The following GALNT10 variants were observed in gnomAD, a reference collection of about 807,000 sequenced individuals.
The protein encoded by GALNT10 is polypeptide N-acetylgalactosaminyltransferase 10, also known as GalNAc transferase 10.
GALNT10 carries 41 observed loss-of-function variants against 75.0 expected under a neutral mutation model. The ratio of observed to expected loss-of-function variants is 0.55; its 90% confidence interval spans 0.43 to 0.71. GALNT10 has a LOEUF of 0.71. GALNT10 is among the 30% of genes least tolerant of loss of function. The pLI is 0.00. For missense variants in GALNT10, 727 were observed against 818.5 expected (o/e 0.89, Z 1.36); for synonymous variants, 302 against 313.0 (o/e 0.96, Z 0.37).
rs544806581 is a variant in GALNT10, at chr5:154,417,009, G to A, written c.*37G>A. On this transcript the variant is annotated 3_prime_UTR_variant, in exon 12 of 12. Coordinates refer to ENST00000297107, the MANE Select transcript of GALNT10 (RefSeq NM_198321.4). Reference sequence around the variant, plus strand: ...CCCTTGGCAGGCCCCCCAGGGTCTGGCACTCACTGCAGACTTCCTCTTTCA... The same window carrying A: ...CCCTTGGCAGGCCCCCCAGGGTCTGACACTCACTGCAGACTTCCTCTTTCA... The A allele has an allele frequency of 1.1e-5, 17 of 1,590,994 alleles. No individual in the cohort carries two copies. Among genetic ancestry groups the A allele is most frequent in the Middle Eastern group, 1.7e-4 (1 of 5,902 alleles).
At chr5:154,220,087 T>A (rs1339720812) in intron 1 of GALNT10, 1 of 152,226 alleles carries the variant, frequency 6.6e-6, no homozygotes, top group African/African-American at 2.4e-5. Flanking sequence ...TATGGGCTAC[T>A]TATTTTTTAA....
chr5:154,388,824 G>C (rs1435485995), intron 7 of GALNT10: 1 of 149,462 alleles, frequency 6.7e-6, no homozygotes, highest in African/African-American at 2.5e-5. Flanking sequence ...CGAGATGGGA[G>C]GATCTCTTGA....
intron 4 of GALNT10, among the ~76,000 whole-genome samples, chr5:154,335,552 G>A (rs1754932259): frequency 6.6e-6 from 1 of 152,180 alleles, no homozygotes; most frequent in South Asian, 2.1e-4. Context: ...GAGAAAATGT[G>A]GGAAATGCAG....
intron 3 of GALNT10, among the ~76,000 whole-genome samples, chr5:154,304,250 G>A (rs1754398380): frequency 6.6e-6 from 1 of 152,112 alleles, no homozygotes; most frequent in Non-Finnish European, 1.5e-5. Context: ...GATAACAACT[G>A]TAATACCACA....
At chr5:154,267,382 T>C (rs1753795588) in intron 1 of GALNT10, among the ~76,000 whole-genome samples, 1 of 152,176 alleles carries the variant, frequency 6.6e-6, no homozygotes, top group African/African-American at 2.4e-5. Flanking sequence ...GCCTCTTGAA[T>C]TGAATTCGGT....
chr5:154,408,610 G>C (rs1318527082), intron 8 of GALNT10, among the ~76,000 whole-genome samples: 1 of 151,812 alleles, frequency 6.6e-6, no homozygotes, highest in African/African-American at 2.4e-5. Context: ...TTCCTCACCT[G>C]CTGCCTCTGC....
intron 6 of GALNT10, among the ~76,000 whole-genome samples, chr5:154,381,491 G>A (rs925512357): frequency 2.6e-5 from 4 of 152,230 alleles, no homozygotes; most frequent in Admixed American, 1.3e-4. Context: ...ATACAAAGCC[G>A]AAGCCCAAGC....
chr5:154,359,373 T>C (rs1208402760), intron 4 of GALNT10, among the ~76,000 whole-genome samples: 1 of 152,004 alleles, frequency 6.6e-6, no homozygotes, highest in East Asian at 1.9e-4. Flanking sequence ...CCCAGGGAAT[T>C]CATGCTCAGC....
intron 1 of GALNT10, among the ~76,000 whole-genome samples, chr5:154,216,249 A>G (rs996577692): frequency 1.3e-5 from 2 of 152,102 alleles, no homozygotes; most frequent in African/African-American, 4.8e-5. Context: ...TAATAATAAT[A>G]ATATTATTTT....
intron 7 of GALNT10, among the ~76,000 whole-genome samples, chr5:154,398,032 TAATAA>T (rs1489215368): frequency 1.3e-5 from 2 of 152,232 alleles, no homozygotes; most frequent in African/African-American, 2.4e-5. Flanking sequence ...AGAAGTTTGC[TAATAA>T]AATAAATCAA....
In GALNT10 at chr5:154,417,978, T is replaced by C. The variant is rs1482506045; in HGVS notation, c.*1006T>C. ...AAAGTGCCTGCCTCTGACCTCATCA[T>C]GGTTCTAGTTCTCATACAGAACTCC... On this transcript the variant is annotated 3_prime_UTR_variant, in exon 12 of 12. Transcript: ENST00000297107. 1 of 152,250 alleles carries C rather than the reference T, an allele frequency of 6.6e-6. No individual in the cohort carries two copies. The highest frequency in any genetic ancestry group is 2.4e-5 in the African/African-American group (1 of 41,452). The allele number at this position is 152,250 out of a possible 1,614,324, so 9.4% of individuals were successfully genotyped here. A position where few individuals can be genotyped will look rare whatever the true frequency, so the allele number is the denominator to read the frequency against.
intron 3 of GALNT10, among the ~76,000 whole-genome samples, chr5:154,322,218 G>C (rs1012155261): frequency 6.6e-6 from 1 of 152,128 alleles, no homozygotes; most frequent in Non-Finnish European, 1.5e-5. Flanking sequence ...AACGTTGCTT[G>C]TCTGGGTTGA....
Position 154,405,447 on chromosome 5 carries a change from G to A in GALNT10, c.1164+1236G>A, listed in dbSNP as rs148835871. On this transcript the variant is annotated intron_variant, in intron 8 of 11. Coordinates refer to ENST00000297107, the MANE Select transcript of GALNT10 (RefSeq NM_198321.4). ...ATCCGCGCTGCCCACAGCCCCATCC[G>A]ACACGGGCGGGGGGTAGGTTCTAGG... Among the ~76,000 whole-genome samples, 5 of 152,268 alleles carry A rather than the reference G, an allele frequency of 3.3e-5. 1 individual carries two copies. Among genetic ancestry groups the A allele is most frequent in the Middle Eastern group, 6.8e-3 (2 of 294 alleles).
chr5:154,416,480 T>TACACACACAC lies in GALNT10; in HGVS notation c.1654-305_1654-296dup, dbSNP rs70978542. Among the ~76,000 whole-genome samples, 28,031 of 141,648 alleles carry TACACACACAC rather than the reference T, an allele frequency of 0.2. 3,092 individuals are homozygous for TACACACACAC. The highest frequency in any genetic ancestry group is 0.29 in the Middle Eastern group (81 of 280). 92.9% of individuals were successfully genotyped at this position (141,648 alleles called of 152,430 possible). ...AAATAAAAGATAAAAGGAAAGCACA[T>TACACACACAC]ACACACACACACACACACACACACA... On this transcript the variant is annotated intron_variant, in intron 11 of 11. Transcript: ENST00000297107. This position sits in a 1 kb window ranked among gnomAD's most constrained non-coding sequence, Gnocchi z 4.5.
chr5:154,357,962 A>G (rs1314103377), intron 4 of GALNT10, among the ~76,000 whole-genome samples: 1 of 152,256 alleles, frequency 6.6e-6, no homozygotes, highest in African/African-American at 2.4e-5. Context: ...AGTACTTTAC[A>G]TAAAATGAAT....
At chr5:154,295,065 G>T (rs537780499) in intron 2 of GALNT10, 147 bp downstream of exon 2, 7 of 482,324 alleles carry the variant, frequency 1.5e-5, no homozygotes, top group Non-Finnish European at 2.3e-5. Context: ...CTCCCTGTCA[G>T]CCACCATCCC....
At chr5:154,393,075 A>AAAAAAAAAAAAC (rs1432597513) in intron 7 of GALNT10, 1 of 150,854 alleles carries the variant, frequency 6.6e-6, no homozygotes, top group African/African-American at 2.4e-5. Context: ...AAAAAAAAAA[A>AAAAAAAAAAAAC]AAACCCATTT....
At chr5:154,217,930 A>G in intron 1 of GALNT10, 1 of 749,132 alleles carries the variant, frequency 1.3e-6, no homozygotes, top group Non-Finnish European at 1.6e-6. Flanking sequence ...TAAATTGTAC[A>G]GTTTAACTCC....
chr5:154,404,450 TA>T (rs887513770), intron 8 of GALNT10, among the ~76,000 whole-genome samples: 6 of 152,200 alleles, frequency 3.9e-5, no homozygotes, highest in African/African-American at 1.4e-4. Flanking sequence ...CTCCTTTGTT[TA>T]AAGAGAGCTA....
Sources: allele counts gnomAD v4.1 joint callset (sites outside exome capture counted in the v4.1 genomes callset), GRCh38; gene constraint gnomAD v4.1.1; non-coding constraint Gnocchi (gnomAD v3.1); transcripts MANE v1.5; gene names NCBI Gene and HGNC (gene_info 2026-07-23, HGNC 2026-07-21).